The following MAP4 variants were observed in gnomAD, a reference collection of about 807,000 sequenced individuals.
MAP4 encodes the protein microtubule associated protein 4.
In MAP4, 76 loss-of-function variants were observed where a neutral mutation model predicts 170.2. The ratio of observed to expected loss-of-function variants is 0.45; its 90% CI spans 0.37 to 0.54. The LOEUF is 0.54. MAP4 is among the 20% of genes least tolerant of loss of function. The pLI is 0.00. For missense variants in MAP4, 2,506 were observed against 2,748.0 expected (o/e 0.91, Z 1.97); for synonymous variants, 909 against 994.5 (o/e 0.91, Z 1.62).
chr3:48,031,641 C>T (rs2100116171), intron 1 of MAP4, among the ~76,000 whole-genome samples: 2 of 152,146 alleles, frequency 1.3e-5, no homozygotes, highest in Admixed American at 6.5e-5. Context: ...GGGAGGATCA[C>T]TTGGGCCCTG....
intron 1 of MAP4, among the ~76,000 whole-genome samples, chr3:48,075,974 CAAAAAAAAAAA>C (rs60556044): frequency 2.1e-4 from 10 of 47,562 alleles, no homozygotes; most frequent in African/African-American, 7.9e-4. Context: ...AACTCCATCT[CAAAAAAAAAAA>C]AAAAAAAGAA....
intron 10 of MAP4, among the ~76,000 whole-genome samples, chr3:47,879,407 T>G (rs554537827): frequency 6.6e-6 from 1 of 152,264 alleles, no homozygotes; most frequent in South Asian, 2.1e-4. Flanking sequence ...GACACAAAAC[T>G]GGGGAGGTTA....
chr3:47,945,598 G>A (rs1478254308), intron 3 of MAP4, among the ~76,000 whole-genome samples: 3 of 151,852 alleles, frequency 2.0e-5, no homozygotes, highest in East Asian at 1.9e-4. Flanking sequence ...ATACTGGCTG[G>A]TATTCTTATG....
At chr3:48,066,889 G>A (rs936743786) in intron 1 of MAP4, among the ~76,000 whole-genome samples, 1 of 122,632 alleles carries the variant, frequency 8.2e-6, no homozygotes, top group Admixed American at 1.1e-4. Flanking sequence ...CGCCCAGGCT[G>A]GAGAGCAGTG....
chr3:47,991,889 T>A (rs2100092543), intron 2 of MAP4, among the ~76,000 whole-genome samples: 1 of 151,842 alleles, frequency 6.6e-6, no homozygotes. Context: ...CAGGCTGGTC[T>A]CGAACTCCTG....
intron 3 of MAP4, among the ~76,000 whole-genome samples, chr3:47,942,340 T>A (rs1223414893): frequency 1.3e-5 from 2 of 152,306 alleles, no homozygotes; most frequent in East Asian, 3.9e-4. Flanking sequence ...AATGTGGTAT[T>A]TTCATTTACT....
upstream of MAP4, among the ~76,000 whole-genome samples, chr3:48,018,396 G>T (rs1361170466): frequency 1.3e-5 from 2 of 152,178 alleles, no homozygotes; most frequent in Non-Finnish European, 2.9e-5. Flanking sequence ...AAAGTTATTA[G>T]AAATTGAATC....
Position 47,911,500 on chromosome 3 carries a change from G to T in MAP4, c.2921C>A (p.Pro974His). ...TAATGGATTACTTGCTATCAAAGTGGGTACCAAATTTGGTATTTCTTTTGC... is the reference window on the plus strand; with the variant it reads ...TAATGGATTACTTGCTATCAAAGTGTGTACCAAATTTGGTATTTCTTTTGC... ...TAAKEIPNLV[P>H]TLIASNPLEC... Residue 974 changes from proline (P) to histidine (H), a missense_variant, in exon 9 of 21, where the codon CCC becomes CAC. Coordinates refer to ENST00000683076, the MANE Select transcript of MAP4 (RefSeq NM_001385682.1). The surrounding 1 kb of genome is among the most constrained non-coding windows in gnomAD (Gnocchi z 4.0). 1 of 1,535,880 alleles carries T rather than the reference G, an allele frequency of 6.5e-7. No individual in the cohort carries two copies. The highest frequency in any genetic ancestry group is 8.7e-7 in the Non-Finnish European group (1 of 1,146,842).
At chr3:48,085,060 G>A (rs917282995) in intron 1 of MAP4, among the ~76,000 whole-genome samples, 31 of 151,934 alleles carry the variant, frequency 2.0e-4, no homozygotes, top group African/African-American at 7.0e-4. Context: ...TACTTACTTG[G>A]TTTCCTTTTC....
chr3:47,892,023 T>G (rs779506937), intron 10 of MAP4: 440 of 1,536,118 alleles, frequency 2.9e-4, no homozygotes, highest in Non-Finnish European at 3.7e-4. Flanking sequence ...TGGCTCTTGG[T>G]CTCTAGTCCA....
At chr3:48,086,150 A>T (rs921404666) in intron 1 of MAP4, among the ~76,000 whole-genome samples, 6 of 151,372 alleles carry the variant, frequency 4.0e-5, no homozygotes, top group Admixed American at 1.3e-4. Flanking sequence ...ATATACACAC[A>T]CTCACACACA....
chr3:47,871,023 C>A lies in MAP4; in HGVS notation c.6084G>T (p.Gly2028=), dbSNP rs150854343. 1.3e-5 allele frequency: 21 copies of A among 1,613,940 alleles called. No individual in the cohort carries two copies. Among genetic ancestry groups the A allele is most frequent in the Middle Eastern group, 3.3e-4 (2 of 6,082 alleles). The part of the protein sequence containing the change: ...TTLSGTAPAA[G]VVPSRVKATP... ...TGGCCTTGACTCGGCTGGGAACCAC[C>A]CCTGCAGCGGGGGCTGTCCCACTGA... The change falls in exon 15 of 21, where the codon GGG becomes GGT. Residue 2028 remains glycine (G), a synonymous_variant. Transcript: ENST00000683076.
rs1233947607 is a variant in MAP4 at position 47,917,115 on chromosome 3, C to T, written c.712G>A (p.Ala238Thr). The stretch of plus-strand genomic sequence containing the variant: ...TTCAGTCCCATCATTATTTCCAATG[C>T]TTGTGCTGGTGGCCTCTCTTCTGAT... ...MASEERPPAQ[A>T]LEIMMGLKTT... The change falls in exon 7 of 21, where the codon GCA becomes ACA. Residue 238 changes from alanine to threonine, a missense_variant. Ala to Thr is a moderately conservative substitution (Grantham distance 58). This residue lies in a region of MAP4 where 2,008 missense variants were observed against 2,206.0 expected (regional missense o/e 0.91). Coordinates refer to ENST00000683076, the MANE Select transcript of MAP4 (RefSeq NM_001385682.1). 4 of 1,614,124 alleles carry T rather than the reference C, an allele frequency of 2.5e-6. No individual in the cohort carries two copies. The highest frequency in any genetic ancestry group is 1.7e-5 in the Admixed American group (1 of 60,024).
chr3:47,904,559 C>T (rs940825652), intron 9 of MAP4, among the ~76,000 whole-genome samples: 4 of 147,852 alleles, frequency 2.7e-5, no homozygotes, highest in South Asian at 2.2e-4. Context: ...TGATCTGCTG[C>T]GCCTGGCCAG....
Position 47,855,769 on chromosome 3 carries a change from G to A in MAP4, c.6584-409C>T, listed in dbSNP as rs2054684114. 6.6e-6 allele frequency among the ~76,000 whole-genome samples: 1 copy of A among 152,162 alleles called. No individual in the cohort carries two copies. Among genetic ancestry groups the A allele is most frequent in the Non-Finnish European group, 1.5e-5 (1 of 68,030 alleles). ...ACAGCCTCACTGAATTCTCATGAATGCCCTGTCATCACGGCCACGGTCCCT... is the reference window on the plus strand; with the variant it reads ...ACAGCCTCACTGAATTCTCATGAATACCCTGTCATCACGGCCACGGTCCCT... On this transcript the variant is annotated intron_variant, in intron 18 of 20. Transcript: ENST00000683076. This position sits in a 1 kb window ranked among gnomAD's most constrained non-coding sequence, Gnocchi z 5.1.
chr3:47,974,237 C>G (rs1343025805), intron 3 of MAP4: 19 of 462,342 alleles, frequency 4.1e-5, no homozygotes, highest in Non-Finnish European at 3.4e-5. Flanking sequence ...ACCAGCCTGG[C>G]CAACAAAGTA....
chr3:48,015,092 C>T (rs1345866764), intron 1 of MAP4, among the ~76,000 whole-genome samples: 1 of 152,116 alleles, frequency 6.6e-6, no homozygotes, highest in Non-Finnish European at 1.5e-5. Flanking sequence ...TTCAAAATAT[C>T]GCCTCCTGTC....
intron 2 of MAP4, among the ~76,000 whole-genome samples, chr3:47,988,572 G>A (rs1179962726): frequency 6.6e-6 from 1 of 152,190 alleles, no homozygotes; most frequent in Non-Finnish European, 1.5e-5. Flanking sequence ...ATGTGAAACA[G>A]TTGTCTAGGA....
chr3:47,889,617 A>T (rs557253443), intron 10 of MAP4, among the ~76,000 whole-genome samples: 1 of 152,318 alleles, frequency 6.6e-6, no homozygotes, highest in Non-Finnish European at 1.5e-5. Context: ...GTCATCTGAA[A>T]TTTTTTTCTA....
Sources: gnomAD v4.1 joint callset for allele counts (sites outside exome capture counted in the v4.1 genomes callset) on GRCh38, gnomAD v4.1.1 for gene constraint, gnomAD v4.1.1 regional missense constraint, Gnocchi (gnomAD v3.1) non-coding constraint, MANE v1.5 for transcripts, NCBI Gene and HGNC (gene_info 2026-07-23, HGNC 2026-07-21) for gene names.